The following TBC1D31 variants were observed in gnomAD, a reference collection of about 807,000 sequenced individuals.
The protein encoded by TBC1D31 is TBC1 domain family member 31.
In TBC1D31, 99 loss-of-function variants were observed where a neutral mutation model predicts 132.9. The observed-to-expected ratio is 0.74, with a 90% CI of 0.63 to 0.88. The LOEUF is 0.88. Among genes scored for constraint, TBC1D31 ranks in the 40% least tolerant of loss-of-function variants. The pLI, the probability that TBC1D31 is intolerant of heterozygous loss-of-function variation, is 0.00. For synonymous variants in TBC1D31, 385 were observed against 419.4 expected, an observed-to-expected ratio of 0.92 and a Z score of 1.00; for missense variants, 1,134 against 1,256.6, an observed-to-expected ratio of 0.90 and a Z score of 1.48.
chr8:123,130,606 AT>A (rs1404799307), intron 16 of TBC1D31, among the ~76,000 whole-genome samples: 1 of 147,254 alleles, frequency 6.8e-6, no homozygotes, highest in African/African-American at 2.5e-5. Flanking sequence ...CCATTAAGTT[AT>A]TTTTTCTTTT....
rs189760193 is a variant in TBC1D31, at chr8:123,101,504, T to A, written c.1032+497T>A. On this transcript the variant is annotated intron_variant, in intron 7 of 21. Coordinates refer to ENST00000287380, the MANE Select transcript of TBC1D31 (RefSeq NM_145647.4). ...ATCTTGGCTCATTGCAACCTCTGCC[T>A]CCTGGGTTCAAGTGATTCTCCTGCC... is the stretch of plus-strand genomic sequence containing the variant. 5.9e-3 allele frequency among the ~76,000 whole-genome samples: 899 copies of A among 152,342 alleles called. 4 individuals are homozygous for A. The highest frequency in any genetic ancestry group is 0.011 in the Non-Finnish European group (762 of 68,026).
At chr8:123,098,998 A>G (rs1002985860) in intron 6 of TBC1D31, among the ~76,000 whole-genome samples, 1 of 152,228 alleles carries the variant, frequency 6.6e-6, no homozygotes, top group Non-Finnish European at 1.5e-5. Flanking sequence ...ATTTCAAGCA[A>G]TCACATGGTG....
intron 6 of TBC1D31, among the ~76,000 whole-genome samples, chr8:123,098,276 C>T (rs1475796249): frequency 6.6e-6 from 1 of 152,108 alleles, no homozygotes; most frequent in Non-Finnish European, 1.5e-5. Context: ...TTATTTTATA[C>T]AGCCTTGCAC....
intron 7 of TBC1D31, chr8:123,102,683 G>A (rs528735037): frequency 5.0e-5 from 8 of 160,238 alleles, no homozygotes; most frequent in East Asian, 3.7e-4. Flanking sequence ...CATGCACAGA[G>A]CAGTGAAAAT....
At position 123,074,192 on chromosome 8, in the gene TBC1D31, A is replaced by G. The variant is rs144405034; in HGVS notation, c.77+1346A>G. 9.1e-3 allele frequency among the ~76,000 whole-genome samples: 1,374 copies of G among 151,738 alleles called. 24 individuals are homozygous for G. Among genetic ancestry groups the G allele is most frequent in the African/African-American group, 0.03 (1,248 of 41,354 alleles). Reference sequence around the variant, plus strand: ...GATTACAGGCGCACCACTCCCGGCTAATTTTTTGTATTTTTAGTAGAGACG... The same window carrying G: ...GATTACAGGCGCACCACTCCCGGCTGATTTTTTGTATTTTTAGTAGAGACG... On this transcript the variant is annotated intron_variant, in intron 1 of 21. Transcript: ENST00000287380.
At chr8:123,102,736 G>A (rs1457283226) in intron 7 of TBC1D31, 1 of 156,084 alleles carries the variant, frequency 6.4e-6, no homozygotes, top group Non-Finnish European at 1.4e-5. Context: ...AGTCAAATGA[G>A]GCAACACTCT....
the TBC1D31 span, among the ~76,000 whole-genome samples, chr8:123,157,443 C>A: frequency 6.6e-6 from 1 of 152,172 alleles, no homozygotes; most frequent in Non-Finnish European, 1.5e-5. Flanking sequence ...GCCCCTGTCC[C>A]GTTTGTCAAT....
intron 21 of TBC1D31, among the ~76,000 whole-genome samples, chr8:123,151,349 T>A (rs978206023): frequency 1.3e-5 from 2 of 152,248 alleles, no homozygotes; most frequent in African/African-American, 2.4e-5. Flanking sequence ...AGTATTTTAA[T>A]CTTGATTCTG....
intron 1 of TBC1D31, among the ~76,000 whole-genome samples, chr8:123,074,483 T>G (rs1178606067): frequency 6.6e-6 from 1 of 152,184 alleles, no homozygotes; most frequent in African/African-American, 2.4e-5. Flanking sequence ...TTCCTCAAGT[T>G]TTTCATTTTC....
At chr8:123,103,222 T>C (rs1242327986) in intron 7 of TBC1D31, 1 of 152,248 alleles carries the variant, frequency 6.6e-6, no homozygotes, top group Non-Finnish European at 1.5e-5. Context: ...TGTGTGTGTA[T>C]GCATACTTGT....
chr8:123,140,730 A>C (rs62521803), intron 17 of TBC1D31, 31 bp from the exon 18 acceptor site: 123,667 of 1,556,972 alleles, frequency 0.079, 5,726 homozygotes, highest in Non-Finnish European at 0.09. Flanking sequence ...TATATAAATT[A>C]GTGATTTTTT....
chr8:123,152,155 C>A, downstream of TBC1D31: 2 of 400,066 alleles, frequency 5.0e-6, no homozygotes, highest in Non-Finnish European at 8.4e-6. Flanking sequence ...ACTGTTAAAG[C>A]TGTGTTAAGC....
At chr8:123,121,642 C>G (rs190012572) in intron 11 of TBC1D31, among the ~76,000 whole-genome samples, 3 of 152,184 alleles carry the variant, frequency 2.0e-5, no homozygotes, top group African/African-American at 7.2e-5. Flanking sequence ...CCTCATCTGT[C>G]GCTCCTGCTC....
intron 7 of TBC1D31, among the ~76,000 whole-genome samples, chr8:123,101,857 C>T (rs1183202881): frequency 6.6e-6 from 1 of 152,112 alleles, no homozygotes. Context: ...CAGTGCTTGC[C>T]CTGCCCATCC....
At chr8:123,078,899 G>A (rs1487481924) in intron 2 of TBC1D31, among the ~76,000 whole-genome samples, 1 of 152,094 alleles carries the variant, frequency 6.6e-6, no homozygotes, top group Non-Finnish European at 1.5e-5. Context: ...CAATGAAGAA[G>A]CCTAGCAAAC....
At chr8:123,101,886 T>A (rs1817457392) in intron 7 of TBC1D31, among the ~76,000 whole-genome samples, 3 of 152,214 alleles carry the variant, frequency 2.0e-5, no homozygotes. Flanking sequence ...TCTAAAATAA[T>A]TCATCATCAT....
intron 2 of TBC1D31, among the ~76,000 whole-genome samples, chr8:123,080,469 T>C (rs1815010162): frequency 1.3e-5 from 2 of 151,740 alleles, no homozygotes; most frequent in African/African-American, 4.8e-5. Context: ...TGTAAATGTA[T>C]GCAAATTTAT....
At chr8:123,098,994 A>G (rs1817097974) in intron 6 of TBC1D31, among the ~76,000 whole-genome samples, 1 of 152,228 alleles carries the variant, frequency 6.6e-6, no homozygotes, top group Non-Finnish European at 1.5e-5. Flanking sequence ...CAGCATTTCA[A>G]GCAATCACAT....
intron 4 of TBC1D31, 24 bp from the exon 5 acceptor site, chr8:123,093,567 C>G (rs551939561): frequency 1.3e-6 from 2 of 1,551,592 alleles, no homozygotes; most frequent in South Asian, 1.2e-5. Flanking sequence ...TATGTGAAAA[C>G]TAACTTTCTC....
Sources: allele counts gnomAD v4.1 joint callset (sites outside exome capture counted in the v4.1 genomes callset), GRCh38; gene constraint gnomAD v4.1.1; transcripts MANE v1.5; gene names NCBI Gene and HGNC (gene_info 2026-07-23, HGNC 2026-07-21).